The following CAMKV variants were observed in gnomAD, a reference collection of about 807,000 sequenced individuals.
CAMKV encodes the protein caM kinase-like vesicle-associated protein.
Under a neutral mutation model 50.2 loss-of-function variants are expected in CAMKV, and 5 were observed. That is an observed-to-expected ratio of 0.10 (90% CI 0.05 to 0.21). The LOEUF (loss-of-function observed/expected upper bound fraction) is 0.21, where lower values mean the gene tolerates loss of function less well. CAMKV is among the 10% of genes least tolerant of loss of function. The pLI is 1.00. For missense variants in CAMKV, 361 were observed against 650.5 expected, an observed-to-expected ratio of 0.55 and a Z score of 4.84; for synonymous variants, 229 against 250.1, an observed-to-expected ratio of 0.92 and a Z score of 0.80.
rs866886325 is a variant in CAMKV, at chr3:49,858,361, A to C, written c.*957T>G. The C allele has an allele frequency of 2.5e-6, 1 of 398,564 alleles. No individual in the cohort carries two copies. Among genetic ancestry groups the C allele is most frequent in the Middle Eastern group, 6.3e-4 (1 of 1,588 alleles). 24.7% of individuals were successfully genotyped at this position (398,564 alleles called of 1,614,324 possible). On this transcript the variant is annotated 3_prime_UTR_variant, in exon 11 of 11. Transcript: ENST00000477224. ...GCCCCTGTAAAGGGCAAACCTCCAA[A>C]TCAGATTATGAGTTATTGCCATGCA...
rs765897928 is a variant in CAMKV, at chr3:49,862,440, C to G, written c.-14-38G>C. On this transcript the variant is annotated intron_variant, in intron 1 of 10. Transcript: ENST00000477224. The surrounding 1 kb of genome is among the most constrained non-coding windows in gnomAD (Gnocchi z 5.2). ...TGGGGTCTGGCTTAGCTGTACTACT[C>G]TCCACTTCCCCACAACATAGGGGCT... 78 of 1,554,028 alleles carry G rather than the reference C, an allele frequency of 5.0e-5. No homozygotes were observed. The highest frequency in any genetic ancestry group is 5.4e-5 in the Non-Finnish European group (61 of 1,125,026).
chr3:49,862,956 C>A lies in CAMKV; in HGVS notation c.-14-554G>T, dbSNP rs1025563036. Among the ~76,000 whole-genome samples, 1 of 152,218 alleles carries A rather than the reference C, an allele frequency of 6.6e-6. No homozygotes were observed. Among genetic ancestry groups the A allele is most frequent in the Non-Finnish European group, 1.5e-5 (1 of 68,040 alleles). ...GCACATATTCGTGCATCAGGACAGT[C>A]ATACAATGCTCATAGTAGCCATATA... is the stretch of plus-strand genomic sequence containing the variant. On this transcript the variant is annotated intron_variant, in intron 1 of 10. Coordinates refer to ENST00000477224, the MANE Select transcript of CAMKV (RefSeq NM_024046.5). The surrounding 1 kb of genome is among the most constrained non-coding windows in gnomAD (Gnocchi z 5.2).
In CAMKV at chr3:49,869,210, T is replaced by C. The variant is rs867856170; in HGVS notation, c.-15+548A>G. On this transcript the variant is annotated intron_variant, in intron 1 of 10. Transcript: ENST00000477224. The surrounding 1 kb of genome is among the most constrained non-coding windows in gnomAD (Gnocchi z 5.2). Reference sequence around the variant, plus strand: ...CCACCGTGCACGTGGGTCCATGCACTGGACCCCCAGCTGGCACCCAGGTGA... The same window carrying C: ...CCACCGTGCACGTGGGTCCATGCACCGGACCCCCAGCTGGCACCCAGGTGA... 1.3e-5 allele frequency among the ~76,000 whole-genome samples: 2 copies of C among 152,088 alleles called. No individual in the cohort carries two copies. Among genetic ancestry groups the C allele is most frequent in the Non-Finnish European group, 2.9e-5 (2 of 68,004 alleles).
In CAMKV at chr3:49,858,233, A is replaced by C. The variant is rs1383859057; in HGVS notation, c.*1085T>G. 4 of 398,486 alleles carry C rather than the reference A, an allele frequency of 1.0e-5. No individual in the cohort carries two copies. The highest frequency in any genetic ancestry group is 1.8e-5 in the Non-Finnish European group (4 of 226,080). The allele number at this position is 398,486 out of a possible 1,614,324, so 24.7% of individuals were successfully genotyped here. On this transcript the variant is annotated 3_prime_UTR_variant, in exon 11 of 11. Transcript: ENST00000477224. ...TAACCCTACTTCCTCATCCCAGAAA[A>C]AGCAACTCAATGTGGCTCTGAGGCA...
chr3:49,867,233 G>A (rs1250591878), intron 1 of CAMKV, among the ~76,000 whole-genome samples: 1 of 152,248 alleles, frequency 6.6e-6, no homozygotes, highest in African/African-American at 2.4e-5. Context: ...TAAGAACAAG[G>A]GCCAAGCTTC....
Position 49,869,480 on chromosome 3 carries a change from G to C in CAMKV, c.-15+278C>G, listed in dbSNP as rs531951192. ...AGCTCTCGGCCCCTATCCTCACGGG[G>C]GACCACGAATCTTCGAGGGTTAATC... is the stretch of plus-strand genomic sequence containing the variant. On this transcript the variant is annotated intron_variant, in intron 1 of 10. Transcript: ENST00000477224. This position sits in a 1 kb window ranked among gnomAD's most constrained non-coding sequence, Gnocchi z 5.2. Among the ~76,000 whole-genome samples the C allele has an allele frequency of 1.7e-4, 26 of 152,284 alleles. No homozygotes were observed. Among genetic ancestry groups the C allele is most frequent in the African/African-American group, 6.3e-4 (26 of 41,560 alleles).
chr3:49,865,918 T>A (rs971453726), intron 1 of CAMKV, among the ~76,000 whole-genome samples: 2 of 152,198 alleles, frequency 1.3e-5, no homozygotes, highest in African/African-American at 4.8e-5. Flanking sequence ...GCTCTGCATA[T>A]GCATTCGTGC....
At chr3:49,866,877 T>C (rs916225771) in intron 1 of CAMKV, among the ~76,000 whole-genome samples, 2 of 152,222 alleles carry the variant, frequency 1.3e-5, no homozygotes, top group African/African-American at 2.4e-5. Context: ...TCCGCTGAGA[T>C]CATCCTGGTT....
chr3:49,866,836 G>A (rs941885976), intron 1 of CAMKV, among the ~76,000 whole-genome samples: 3 of 152,246 alleles, frequency 2.0e-5, no homozygotes, highest in Non-Finnish European at 4.4e-5. Context: ...CAAGAGGTCC[G>A]GAGGCCCCAC....
At chr3:49,865,861 T>C (rs2082061035) in intron 1 of CAMKV, among the ~76,000 whole-genome samples, 2 of 152,034 alleles carry the variant, frequency 1.3e-5, no homozygotes, top group South Asian at 4.2e-4. Context: ...GTGGCGTGGG[T>C]GGGAGGTTTT....
Position 49,860,221 on chromosome 3 carries a change from C to T in CAMKV, c.892G>A (p.Asp298Asn). The T allele has an allele frequency of 1.2e-6, 2 of 1,614,132 alleles. No individual in the cohort carries two copies. The highest frequency in any genetic ancestry group is 1.7e-6 in the Non-Finnish European group (2 of 1,180,000). The change falls in exon 10 of 11, where the codon GAT becomes AAT. Residue 298 changes from aspartate to asparagine, a missense_variant. Physicochemically the swap from Asp to Asn is conservative, Grantham distance 23. This residue lies in a region of CAMKV where 172 missense variants were observed against 414.3 expected (regional missense o/e 0.42). Transcript: ENST00000477224. The surrounding 1 kb of genome is among the most constrained non-coding windows in gnomAD (Gnocchi z 6.1). Reference sequence around the variant, plus strand: ...TTTTCAATCTGGGCACAGACACCATCCTTGATGTTCTTATCAGAAGCAGCA... The same window carrying T: ...TTTTCAATCTGGGCACAGACACCATTCTTGATGTTCTTATCAGAAGCAGCA... Reference protein sequence around the residue: ...GNAASDKNIKDGVCAQIEKNF... With the variant: ...GNAASDKNIKNGVCAQIEKNF...
In CAMKV at chr3:49,859,234, G is replaced by T; in HGVS notation, c.*84C>A. 7.9e-7 allele frequency: 1 copy of T among 1,257,896 alleles called. No individual in the cohort carries two copies. Among genetic ancestry groups the T allele is most frequent in the Non-Finnish European group, 1.1e-6 (1 of 915,444 alleles). 77.9% of individuals were successfully genotyped at this position (1,257,896 alleles called of 1,614,324 possible). On this transcript the variant is annotated 3_prime_UTR_variant, in exon 11 of 11. Transcript: ENST00000477224. The surrounding 1 kb of genome is among the most constrained non-coding windows in gnomAD (Gnocchi z 5.5). The stretch of plus-strand genomic sequence containing the variant: ...ATGGGGGAGCGAGGGCATCATGCCA[G>T]TGACTCTATGTACAGTGAGAAGCCC...
Position 49,860,794 on chromosome 3 carries a change from C to G in CAMKV, c.697G>C (p.Asp233His). 1 of 1,614,124 alleles carries G rather than the reference C, an allele frequency of 6.2e-7. No homozygotes were observed. Among genetic ancestry groups the G allele is most frequent in the Non-Finnish European group, 8.5e-7 (1 of 1,180,024 alleles). The stretch of plus-strand genomic sequence containing the variant: ...AGGATCTTGCGGAAGAGATTCTTAT[C>G]ATGGTTCTCATAATCATCTTCTTCC... ...EVEEDDYENH[D>H]KNLFRKILAG... Residue 233 changes from aspartate (D) to histidine (H), a missense_variant, in exon 8 of 11, where the codon GAT (aspartate) becomes CAT (histidine). This residue lies in a region of CAMKV where 172 missense variants were observed against 414.3 expected (regional missense o/e 0.42). Transcript: ENST00000477224. The surrounding 1 kb of genome is among the most constrained non-coding windows in gnomAD (Gnocchi z 6.1).
At position 49,861,145 on chromosome 3, in the gene CAMKV, A is replaced by T; in HGVS notation, c.562+35T>A. The T allele has an allele frequency of 1.9e-6, 3 of 1,562,638 alleles. No individual in the cohort carries two copies. Among genetic ancestry groups the T allele is most frequent in the Non-Finnish European group, 2.6e-6 (3 of 1,150,820 alleles). On this transcript the variant is annotated intron_variant, in intron 6 of 10. Coordinates refer to ENST00000477224, the MANE Select transcript of CAMKV (RefSeq NM_024046.5). The surrounding 1 kb of genome is among the most constrained non-coding windows in gnomAD (Gnocchi z 7.7). The stretch of plus-strand genomic sequence containing the variant: ...AGCAGCTCCCTGAAGGCTGCCCCCC[A>T]TTATCCCCCTGCCCCTGCCCCACCC...
In CAMKV at chr3:49,858,994, G is replaced by C; in HGVS notation, c.*324C>G. On this transcript the variant is annotated 3_prime_UTR_variant, in exon 11 of 11. Transcript: ENST00000477224. Reference sequence around the variant, plus strand: ...GAATGGTGAGGCAAGAAGGGAAGGGGAAGGAGAGCAGGAGCCCCCTGAGTA... The same window carrying C: ...GAATGGTGAGGCAAGAAGGGAAGGGCAAGGAGAGCAGGAGCCCCCTGAGTA... 3.9e-6 allele frequency: 1 copy of C among 253,222 alleles called. No individual in the cohort carries two copies. Among genetic ancestry groups the C allele is most frequent in the East Asian group, 7.3e-5 (1 of 13,686 alleles). 15.7% of individuals were successfully genotyped at this position (253,222 alleles called of 1,614,324 possible).
chr3:49,868,932 T>C (rs907290274), intron 1 of CAMKV, among the ~76,000 whole-genome samples: 1 of 152,106 alleles, frequency 6.6e-6, no homozygotes, highest in Admixed American at 6.5e-5. Context: ...GGCAGAGCTA[T>C]GCGGGGAGGG....
In CAMKV at chr3:49,860,885, C is replaced by G. The variant is rs62260755; in HGVS notation, c.639-33G>C. The G allele has an allele frequency of 0.2, 315,609 of 1,613,488 alleles. 33,259 individuals carry two copies. The highest frequency in any genetic ancestry group is 0.22 in the Non-Finnish European group (258,906 of 1,179,572). On this transcript the variant is annotated intron_variant, in intron 7 of 10. Transcript: ENST00000477224. This position sits in a 1 kb window ranked among gnomAD's most constrained non-coding sequence, Gnocchi z 6.1. ...GGGGAAGGGTCACACAGAAAGGCCA[C>G]AGACACATGCCCCCACCCCATCTGA...
Position 49,869,293 on chromosome 3 carries a change from C to T in CAMKV, c.-15+465G>A, listed in dbSNP as rs2108336056. Among the ~76,000 whole-genome samples the T allele has an allele frequency of 6.6e-6, 1 of 152,266 alleles. No homozygotes were observed. Among genetic ancestry groups the T allele is most frequent in the East Asian group, 1.9e-4 (1 of 5,170 alleles). ...GCTGGTCCCCAGGGGCTTGGAGCTT[C>T]CTCCCCCACCCCGCGGCAGCCCCGC... On this transcript the variant is annotated intron_variant, in intron 1 of 10. Coordinates refer to ENST00000477224, the MANE Select transcript of CAMKV (RefSeq NM_024046.5). This position sits in a 1 kb window ranked among gnomAD's most constrained non-coding sequence, Gnocchi z 5.2.
chr3:49,860,015 C>T lies in CAMKV; in HGVS notation c.943-134G>A, dbSNP rs560688451. 149 of 1,043,370 alleles carry T rather than the reference C, an allele frequency of 1.4e-4. No homozygotes were observed. The highest frequency in any genetic ancestry group is 9.5e-4 in the Middle Eastern group (4 of 4,232). 64.6% of individuals were successfully genotyped at this position (1,043,370 alleles called of 1,614,324 possible). ...CCCCAGGGCCAAGTACTCAGCTGCT[C>T]AGCACTCCTACTTAAGGTAATCACA... On this transcript the variant is annotated intron_variant, in intron 10 of 10. Transcript: ENST00000477224. The surrounding 1 kb of genome is among the most constrained non-coding windows in gnomAD (Gnocchi z 6.1).
Sources: gnomAD v4.1 joint callset for allele counts (sites outside exome capture counted in the v4.1 genomes callset) on GRCh38, gnomAD v4.1.1 for gene constraint, gnomAD v4.1.1 regional missense constraint, Gnocchi (gnomAD v3.1) non-coding constraint, MANE v1.5 for transcripts, NCBI Gene and HGNC (gene_info 2026-07-23, HGNC 2026-07-21) for gene names.